Variants in ZNF174 observed in about 807,000 individuals in gnomAD.
ZNF174 encodes zinc finger protein 174.
ZNF174 carries 30 observed loss-of-function variants against 38.7 expected under a neutral mutation model. The ratio of observed to expected loss-of-function variants is 0.78; its 90% confidence interval spans 0.58 to 1.05. The LOEUF (loss-of-function observed/expected upper bound fraction) is 1.05, where lower values mean the gene tolerates loss of function less well. ZNF174 is among the 50% of genes least tolerant of loss of function. The pLI is 0.00. For missense variants in ZNF174, 499 were observed against 495.6 expected, an observed-to-expected ratio of 1.01 and a Z score of -0.06; for synonymous variants, 201 against 181.7, an observed-to-expected ratio of 1.11 and a Z score of -0.86.
At position 3,408,341 on chromosome 16, in the gene ZNF174, GACA is replaced by G; in HGVS notation, c.651_653del (p.Asn217del). On this transcript the variant is annotated inframe_deletion, in exon 3 of 3. Coordinates refer to ENST00000268655, the MANE Select transcript of ZNF174 (RefSeq NM_003450.3). Reference sequence around the variant, plus strand: ...TATAGAGGCCCCCAGAATGAGAAGTGACAACAAGGAAAATCCACAACAGGAAGG... The same window carrying G: ...TATAGAGGCCCCCAGAATGAGAAGTGACAAGGAAAATCCACAACAGGAAGG... The G allele has an allele frequency of 6.3e-7, 1 of 1,589,438 alleles. No individual in the cohort carries two copies. The highest frequency in any genetic ancestry group is 1.1e-5 in the South Asian group (1 of 87,682).
chr16:3,405,149 C>G, intron 2 of ZNF174: 1 of 1,319,936 alleles, frequency 7.6e-7, no homozygotes, highest in Non-Finnish European at 1.0e-6. Flanking sequence ...TCTACACAGT[C>G]CTGTGATCTC....
Position 3,408,673 on chromosome 16 carries a change from C to T in ZNF174, c.978C>T (p.Tyr326=). 1 of 1,614,136 alleles carries T rather than the reference C, an allele frequency of 6.2e-7. No individual in the cohort carries two copies. The highest frequency in any genetic ancestry group is 2.2e-5 in the East Asian group (1 of 44,888). The change falls in exon 3 of 3, where the codon TAC becomes TAT. Residue 326 remains tyrosine (Y), a synonymous_variant. Coordinates refer to ENST00000268655, the MANE Select transcript of ZNF174 (RefSeq NM_003450.3). The part of the protein sequence containing the change: ...HQPTRSAKKP[Y]KCDDCGKSFT... ...CCACCCGCTCAGCAAAGAAACCCTA[C>T]AAATGTGATGACTGTGGGAAAAGCT...
intron 1 of ZNF174, 66 bp downstream of exon 1, chr16:3,402,472 T>TC: frequency 7.1e-7 from 1 of 1,417,046 alleles, no homozygotes; most frequent in Non-Finnish European, 9.5e-7. Context: ...TTTTTTTCTT[T>TC]TTTTGAGACG....
rs370413162 is a variant in ZNF174 at position 3,408,550 on chromosome 16, C to T, written c.855C>T (p.Ile285=). ...HYQRHCRVEY[I]SSPLKSHPLR... ...AGAGACATTGCAGGGTGGAATACAT[C>T]AGCAGCCCCCTAAAAAGCCACCCAC... Residue 285 remains isoleucine, a synonymous_variant, in exon 3 of 3, where the codon ATC becomes ATT. Transcript: ENST00000268655. The T allele has an allele frequency of 2.5e-6, 4 of 1,614,026 alleles. No homozygotes were observed. The highest frequency in any genetic ancestry group is 3.4e-6 in the Non-Finnish European group (4 of 1,180,044).
chr16:3,405,097 TC>T (rs1447958138), intron 2 of ZNF174: 7 of 1,491,674 alleles, frequency 4.7e-6, no homozygotes, highest in Non-Finnish European at 6.3e-6. Context: ...CAAATCTATT[TC>T]CCTTTCTCTG....
chr16:3,404,783 A>G, intron 2 of ZNF174, 135 bp downstream of exon 2: 2 of 1,517,402 alleles, frequency 1.3e-6, no homozygotes, highest in Non-Finnish European at 1.8e-6. Flanking sequence ...ATTATTCACT[A>G]AACAAATTTC....
chr16:3,401,958 A>G lies in ZNF174; in HGVS notation c.-47A>G, dbSNP rs1340295070. 6.3e-7 allele frequency: 1 copy of G among 1,589,088 alleles called. No homozygotes were observed. The highest frequency in any genetic ancestry group is 8.5e-7 in the Non-Finnish European group (1 of 1,173,954). On this transcript the variant is annotated 5_prime_UTR_variant, in exon 1 of 3. Transcript: ENST00000268655. ...AGACTTCTCCAGGGTCATGATCCCA[A>G]AGGCTTAACCCGTTTACAAGGAGAG...
rs1197231338 is a variant in ZNF174 at position 3,408,453 on chromosome 16, A to T, written c.758A>T (p.Asn253Ile). 1 of 1,614,146 alleles carries T rather than the reference A, an allele frequency of 6.2e-7. No homozygotes were observed. The change falls in exon 3 of 3, where the codon AAT becomes ATT. Residue 253 changes from asparagine (N) to isoleucine (I), a missense_variant. Coordinates refer to ENST00000268655, the MANE Select transcript of ZNF174 (RefSeq NM_003450.3). ...CAGAATCCTGAACCAAGAGGGGCAA[A>T]TATGAGTGAACCTCGGTTGTCACGG... ...GLQNPEPRGA[N>I]MSEPRLSRRQ...
intron 1 of ZNF174, among the ~76,000 whole-genome samples, chr16:3,403,835 T>G (rs1287677508): frequency 6.6e-6 from 1 of 152,198 alleles, no homozygotes; most frequent in Admixed American, 6.5e-5. Flanking sequence ...CTGGCCAGCG[T>G]TGCCATTGCT....
In ZNF174 at chr16:3,408,624, G is replaced by T; in HGVS notation, c.929G>T (p.Arg310Leu). Residue 310 changes from arginine (R) to leucine (L), a missense_variant, in exon 3 of 3, where the codon CGT (arginine) becomes CTT (leucine). By Grantham distance (102) the Arg-to-Leu change is moderately radical. Transcript: ENST00000268655. ...GGAGGTAAACGGAGTCTGAGCAACC[G>T]TTTGCAACATCTTGGTCACCAGCCC... Reference protein sequence around the residue: ...SKGGKRSLSNRLQHLGHQPTR... With the variant: ...SKGGKRSLSNLLQHLGHQPTR... 3.7e-6 allele frequency: 6 copies of T among 1,614,144 alleles called. No homozygotes were observed. The highest frequency in any genetic ancestry group is 4.2e-6 in the Non-Finnish European group (5 of 1,180,022).
At position 3,402,354 on chromosome 16, in the gene ZNF174, T is replaced by C. The variant is rs1404435923; in HGVS notation, c.350T>C (p.Ile117Thr). 1.9e-6 allele frequency: 3 copies of C among 1,613,940 alleles called. No individual in the cohort carries two copies. In the African/African-American group the frequency reaches 4.0e-5, roughly 22 times the overall value. Reference sequence around the variant, plus strand: ...CGATGTCCAATGAGCAGCAAGGAGATTGTGACCCTCGTGGAAGATTTTCAC... The same window carrying C: ...CGATGTCCAATGAGCAGCAAGGAGACTGTGACCCTCGTGGAAGATTTTCAC... ...RHRCPMSSKE[I>T]VTLVEDFHRA... Residue 117 changes from isoleucine (I) to threonine (T), a missense_variant, in exon 1 of 3, where the codon ATT becomes ACT. Transcript: ENST00000268655.
intron 2 of ZNF174, among the ~76,000 whole-genome samples, chr16:3,406,874 T>C (rs561726046): frequency 6.6e-6 from 1 of 152,340 alleles, no homozygotes; most frequent in Admixed American, 6.5e-5. Context: ...CTATGGTTTC[T>C]TCAAGGAGAC....
At chr16:3,405,055 T>A (rs2034036161) in intron 2 of ZNF174, 1 of 1,577,092 alleles carries the variant, frequency 6.3e-7, no homozygotes, top group Admixed American at 2.0e-5. Flanking sequence ...ATCTTTGTCC[T>A]CCTCTGTGAT....
rs769106589 is a variant in ZNF174 at position 3,402,162 on chromosome 16, G to C, written c.158G>C (p.Cys53Ser). 1 of 1,613,106 alleles carries C rather than the reference G, an allele frequency of 6.2e-7. No homozygotes were observed. Among genetic ancestry groups the C allele is most frequent in the Non-Finnish European group, 8.5e-7 (1 of 1,179,178 alleles). Residue 53 changes from cysteine to serine, a missense_variant, in exon 1 of 3, where the codon TGT becomes TCT. Physicochemically the swap from Cys to Ser is moderately radical, Grantham distance 112 (BLOSUM62 -1). Transcript: ENST00000268655. Reference sequence around the variant, plus strand: ...TGCCGCCAGAGCTTCAGACGCTTTTGTTATCAAGAGGTGTCTGGACCCCAA... The same window carrying C: ...TGCCGCCAGAGCTTCAGACGCTTTTCTTATCAAGAGGTGTCTGGACCCCAA... The part of the protein sequence containing the change: ...ELCRQSFRRF[C>S]YQEVSGPQEA...
chr16:3,403,349 T>G (rs1012664839), intron 1 of ZNF174, among the ~76,000 whole-genome samples: 3 of 151,686 alleles, frequency 2.0e-5, no homozygotes, highest in Non-Finnish European at 4.4e-5. Context: ...TTTGTACTTT[T>G]TAGTAGAGAG....
intron 2 of ZNF174, among the ~76,000 whole-genome samples, chr16:3,408,111 G>A (rs1187762120): frequency 2.0e-5 from 3 of 152,056 alleles, no homozygotes; most frequent in African/African-American, 7.2e-5. Flanking sequence ...TAACTGTGCA[G>A]ATTATCAGGC....
At chr16:3,407,354 G>C (rs1457298632) in intron 2 of ZNF174, among the ~76,000 whole-genome samples, 1 of 152,130 alleles carries the variant, frequency 6.6e-6, no homozygotes, top group South Asian at 2.1e-4. Context: ...CCATAGCAGG[G>C]TCCAACTTCA....
In ZNF174 at chr16:3,404,447, CA is replaced by C; in HGVS notation, c.428del (p.Lys143ArgfsTer45). ...KQWVAVCMQG[Q>X]KVLLEKTGSQ... ...CTAGGTGGCCGTTTGTATGCAGGGG[CA>C]AAAGGTGCTCTTGGAGAAAACTGGA... On this transcript the variant is annotated frameshift_variant, in exon 2 of 3. Coordinates refer to ENST00000268655, the MANE Select transcript of ZNF174 (RefSeq NM_003450.3). LOFTEE classifies it high-confidence loss of function. 1 of 1,608,700 alleles carries C rather than the reference CA, an allele frequency of 6.2e-7. No individual in the cohort carries two copies. The highest frequency in any genetic ancestry group is 8.5e-7 in the Non-Finnish European group (1 of 1,175,870).
At chr16:3,403,834 G>A (rs779187321) in intron 1 of ZNF174, among the ~76,000 whole-genome samples, 26 of 152,250 alleles carry the variant, frequency 1.7e-4, no homozygotes, top group Middle Eastern at 3.4e-3. Flanking sequence ...ACTGGCCAGC[G>A]TTGCCATTGC....
Sources: gnomAD v4.1 joint callset for allele counts (sites outside exome capture counted in the v4.1 genomes callset) on GRCh38, gnomAD v4.1.1 for gene constraint, MANE v1.5 for transcripts, NCBI Gene and HGNC (gene_info 2026-07-23, HGNC 2026-07-21) for gene names.